PCDHA11: variants seen among roughly 807,000 people sequenced by gnomAD.
The protein encoded by PCDHA11 is protocadherin alpha 11.
PCDHA11 carries 61 observed loss-of-function variants against 70.3 expected under a neutral mutation model. That is an observed-to-expected ratio of 0.87 (90% CI 0.71 to 1.07). The LOEUF (loss-of-function observed/expected upper bound fraction) is 1.07, where lower values mean the gene tolerates loss of function less well. Among genes scored for constraint, PCDHA11 ranks in the 50% least tolerant of loss-of-function variants. The pLI, the probability that PCDHA11 is intolerant of heterozygous loss-of-function variation, is 0.00. For missense variants in PCDHA11, 1,324 were observed against 1,237.5 expected (o/e 1.07, Z -1.05); for synonymous variants, 633 against 555.1 (o/e 1.14, Z -1.97).
chr5:140,882,197 G>T, intron 1 of PCDHA11: 2 of 1,521,690 alleles, frequency 1.3e-6, no homozygotes, highest in Non-Finnish European at 1.8e-6. Flanking sequence ...CATAAAAATT[G>T]GGCCTTGAGA....
intron 3 of PCDHA11, among the ~76,000 whole-genome samples, chr5:140,990,731 A>G (rs1554251699): frequency 1.3e-5 from 2 of 152,166 alleles, no homozygotes; most frequent in South Asian, 4.1e-4. Flanking sequence ...AGGTATATCA[A>G]CAGCCCTAGG....
intron 1 of PCDHA11, among the ~76,000 whole-genome samples, chr5:140,971,278 ATATTAATATG>A (rs1408088373): frequency 6.6e-6 from 1 of 152,208 alleles, no homozygotes; most frequent in African/African-American, 2.4e-5. Context: ...ACTGACCTGT[ATATTAATATG>A]TACTTTGGTA....
intron 3 of PCDHA11, among the ~76,000 whole-genome samples, chr5:140,998,708 GC>G (rs1350967952): frequency 1.3e-5 from 2 of 152,024 alleles, no homozygotes; most frequent in Admixed American, 6.6e-5. Context: ...GGGATTACAA[GC>G]TTGCACCACC....
rs782552456 is a variant in PCDHA11, at chr5:140,870,511, G to T, written c.1408G>T (p.Gly470Cys). The change falls in exon 1 of 4, where the codon GGC (glycine) becomes TGC (cysteine). Residue 470 changes from glycine to cysteine, a missense_variant. Transcript: ENST00000398640. ...TVFVKENNPP[G>C]CHIFTVSARD... is the part of the protein sequence containing the mutation. ...GTTCGTGAAGGAGAACAACCCACCA[G>T]GCTGCCACATCTTCACAGTGTCGGC... 9.9e-6 allele frequency: 16 copies of T among 1,614,242 alleles called. No homozygotes were observed. The highest frequency in any genetic ancestry group is 1.3e-5 in the Non-Finnish European group (15 of 1,180,048).
chr5:140,932,203 T>C (rs1415160763), intron 1 of PCDHA11, among the ~76,000 whole-genome samples: 1 of 151,924 alleles, frequency 6.6e-6, no homozygotes, highest in Non-Finnish European at 1.5e-5. Context: ...TCTGTTAATA[T>C]TCTTGATGGG....
intron 1 of PCDHA11, among the ~76,000 whole-genome samples, chr5:140,937,615 T>TCAAAAAAAAAAAAAAAAAAAAAAAAA (rs1472779704): frequency 4.0e-5 from 6 of 149,436 alleles, no homozygotes; most frequent in African/African-American, 1.5e-4. Flanking sequence ...ATACTCCATC[T>TCAAAAAAAAAAAAAAAAAAAAAAAAA]AAAAAGAAAA....
At chr5:140,914,393 C>A (rs1338816793) in intron 1 of PCDHA11, among the ~76,000 whole-genome samples, 1 of 152,080 alleles carries the variant, frequency 6.6e-6, no homozygotes, top group Non-Finnish European at 1.5e-5. Context: ...AGTGTAGTTA[C>A]CCCTGCTCCT....
chr5:140,871,832 C>G (rs2053333400), intron 1 of PCDHA11, among the ~76,000 whole-genome samples: 2 of 152,246 alleles, frequency 1.3e-5, no homozygotes, highest in Non-Finnish European at 2.9e-5. Context: ...CCCTTCATCT[C>G]TAAACTTCAA....
intron 1 of PCDHA11, among the ~76,000 whole-genome samples, chr5:140,947,550 G>A (rs967081376): frequency 7.3e-5 from 11 of 151,402 alleles, no homozygotes; most frequent in Admixed American, 3.9e-4. Flanking sequence ...AAAGAATTCC[G>A]CTGGGATTTA....
chr5:140,990,554 A>T (rs555586765), intron 3 of PCDHA11, among the ~76,000 whole-genome samples: 1 of 152,308 alleles, frequency 6.6e-6, no homozygotes, highest in East Asian at 1.9e-4. Context: ...GTATTACCCA[A>T]GAACACACAC....
intron 1 of PCDHA11, among the ~76,000 whole-genome samples, chr5:140,924,904 AAT>A (rs1277700524): frequency 5.2e-4 from 28 of 54,160 alleles, no homozygotes; most frequent in African/African-American, 2.1e-3. Context: ...CAAAAAAAAA[AAT>A]AAAATAAAAT....
chr5:140,926,651 C>T, intron 1 of PCDHA11: 1 of 496,446 alleles, frequency 2.0e-6, no homozygotes, highest in Non-Finnish European at 3.3e-6. Context: ...CCGGCCGGCT[C>T]CGCTTTCCCA....
rs782159013 is a variant in PCDHA11, at chr5:140,870,292, G to A, written c.1189G>A (p.Val397Met). Residue 397 changes from valine to methionine, a missense_variant, in exon 1 of 4, where the codon GTG (valine) becomes ATG (methionine). Val to Met is a conservative substitution (Grantham distance 21, BLOSUM62 1). Coordinates refer to ENST00000398640, the MANE Select transcript of PCDHA11 (RefSeq NM_018902.5). ...GACGCCCCACGTTCCCTTCAAGCTG[G>A]TGTCCACCTTCAAGAATTACTACTC... ...SLTPHVPFKL[V>M]STFKNYYSLV... is the part of the protein sequence containing the mutation. 1 of 1,614,176 alleles carries A rather than the reference G, an allele frequency of 6.2e-7. No individual in the cohort carries two copies. Among genetic ancestry groups the A allele is most frequent in the Non-Finnish European group, 8.5e-7 (1 of 1,180,034 alleles).
At chr5:140,927,558 T>C (rs1554204736) in intron 1 of PCDHA11, 1 of 1,614,144 alleles carries the variant, frequency 6.2e-7, no homozygotes, top group East Asian at 2.2e-5. Context: ...TCACCATCAT[T>C]GTGGTGGACA....
At chr5:140,923,373 T>A (rs1354356076) in intron 1 of PCDHA11, among the ~76,000 whole-genome samples, 4 of 152,048 alleles carry the variant, frequency 2.6e-5, no homozygotes, top group South Asian at 2.1e-4. Flanking sequence ...AAAATATTTT[T>A]AAAAATTAGT....
chr5:140,875,349 CTG>C, intron 1 of PCDHA11: 1 of 1,444,894 alleles, frequency 6.9e-7, no homozygotes, highest in Non-Finnish European at 9.1e-7. Context: ...TCCATAATGA[CTG>C]TGATGCTGGA....
At chr5:140,927,899 A>G (rs1554205221) in intron 1 of PCDHA11, 2 of 1,614,194 alleles carry the variant, frequency 1.2e-6, no homozygotes, top group Admixed American at 1.7e-5. Context: ...GTGAACGATC[A>G]TGCCCCCGAA....
chr5:140,994,428 C>T lies in PCDHA11; in HGVS notation c.2539+11865C>T, dbSNP rs183026150. Among the ~76,000 whole-genome samples, 15 of 152,198 alleles carry T rather than the reference C, an allele frequency of 9.9e-5. No individual in the cohort carries two copies. The South Asian group carries it at 1.2e-3, about 13-fold the overall frequency. On this transcript the variant is annotated intron_variant, in intron 3 of 3. Transcript: ENST00000398640. ...TTTAATACTGGATATTGAGGCCGGGCGCAGTGGCTCACACCTGTGATCCCA... is the reference window on the plus strand; with the variant it reads ...TTTAATACTGGATATTGAGGCCGGGTGCAGTGGCTCACACCTGTGATCCCA...
chr5:140,891,596 A>T (rs191602934), intron 1 of PCDHA11, among the ~76,000 whole-genome samples: 2 of 152,134 alleles, frequency 1.3e-5, no homozygotes, highest in African/African-American at 4.8e-5. Flanking sequence ...ACTCTATCCC[A>T]TCTATTTCTA....
Sources: gnomAD v4.1 joint callset for allele counts (sites outside exome capture counted in the v4.1 genomes callset) on GRCh38, gnomAD v4.1.1 for gene constraint, MANE v1.5 for transcripts, NCBI Gene and HGNC (gene_info 2026-07-23, HGNC 2026-07-21) for gene names.